The following ANKS1B variants were observed in gnomAD, a reference collection of about 807,000 sequenced individuals.
The protein encoded by ANKS1B is ankyrin repeat and sterile alpha motif domain-containing protein 1B.
ANKS1B carries 36 observed loss-of-function variants against 148.3 expected under a neutral mutation model. That is an observed-to-expected ratio of 0.24 (90% CI 0.19 to 0.32). The LOEUF is 0.32. ANKS1B is among the 10% of genes least tolerant of loss of function. The pLI is 1.00. For missense variants in ANKS1B, 1,157 were observed against 1,542.6 expected (o/e 0.75, Z 4.19); for synonymous variants, 542 against 560.8 (o/e 0.97, Z 0.47).
chr12:98,936,845 C>T (rs1367631999), intron 17 of ANKS1B, among the ~76,000 whole-genome samples: 1 of 152,120 alleles, frequency 6.6e-6, no homozygotes, highest in Non-Finnish European at 1.5e-5. Context: ...TTTATCTTGT[C>T]TAAGTACTTC....
chr12:99,783,974 ACT>A (rs2064680813), intron 4 of ANKS1B, among the ~76,000 whole-genome samples: 1 of 152,062 alleles, frequency 6.6e-6, no homozygotes, highest in Non-Finnish European at 1.5e-5. Flanking sequence ...TCAAAATATC[ACT>A]CTGTACCCCT....
At chr12:99,188,102 C>T (rs1191909354) in intron 14 of ANKS1B, among the ~76,000 whole-genome samples, 1 of 151,980 alleles carries the variant, frequency 6.6e-6, no homozygotes, top group Non-Finnish European at 1.5e-5. Flanking sequence ...CAAAGACGGG[C>T]ATTACATAAT....
At chr12:99,683,055 G>A (rs184749961) in intron 8 of ANKS1B, among the ~76,000 whole-genome samples, 79 of 152,216 alleles carry the variant, frequency 5.2e-4, no homozygotes, top group African/African-American at 1.7e-3. Flanking sequence ...AGTGAAAGGG[G>A]TTTCCCCTTA....
chr12:99,560,609 T>C (rs1304098622), intron 9 of ANKS1B, among the ~76,000 whole-genome samples: 1 of 152,182 alleles, frequency 6.6e-6, no homozygotes, highest in Non-Finnish European at 1.5e-5. Flanking sequence ...ACATTATACT[T>C]ACACTATACT....
chr12:99,173,063 A>C (rs888654564), intron 14 of ANKS1B, among the ~76,000 whole-genome samples: 2 of 152,192 alleles, frequency 1.3e-5, no homozygotes, highest in Admixed American at 6.5e-5. Context: ...GAAAGAACTC[A>C]TCAGGAAACT....
intron 4 of ANKS1B, among the ~76,000 whole-genome samples, chr12:99,800,431 A>C (rs1425391790): frequency 1.4e-5 from 2 of 145,868 alleles, no homozygotes; most frequent in Admixed American, 6.9e-5. Flanking sequence ...TAAGCAGACA[A>C]TACAGAAGCC....
At position 99,417,687 on chromosome 12, in the gene ANKS1B, C is replaced by A. The variant is rs78951899; in HGVS notation, c.1576-17876G>T. Among the ~76,000 whole-genome samples the A allele has an allele frequency of 1.7e-3, 258 of 152,192 alleles. 1 individual carries two copies. Among genetic ancestry groups the A allele is most frequent in the African/African-American group, 5.9e-3 (247 of 41,536 alleles). On this transcript the variant is annotated intron_variant, in intron 11 of 26. Transcript: ENST00000683438. ...TCTTCTAATCCATAAACAGGTATGT[C>A]TTTCCACTTCTTTGAACATTTTTTT...
intron 17 of ANKS1B, among the ~76,000 whole-genome samples, chr12:98,846,603 T>C (rs989524153): frequency 5.9e-5 from 9 of 152,268 alleles, no homozygotes; most frequent in Non-Finnish European, 8.8e-5. Flanking sequence ...AGGTGGAGGA[T>C]GCTTTGAGGG....
chr12:99,176,822 G>C (rs2087745), intron 14 of ANKS1B, among the ~76,000 whole-genome samples: 3 of 151,754 alleles, frequency 2.0e-5, no homozygotes, highest in Non-Finnish European at 2.9e-5. Context: ...ATCAATAAAG[G>C]CTCCCTGAGA....
chr12:99,532,140 G>A (rs1437044739), intron 9 of ANKS1B, among the ~76,000 whole-genome samples: 3 of 151,954 alleles, frequency 2.0e-5, no homozygotes, highest in Non-Finnish European at 2.9e-5. Flanking sequence ...CTCCCATTCT[G>A]TAGGTTGTCT....
chr12:99,361,255 A>G (rs530965250), intron 12 of ANKS1B, among the ~76,000 whole-genome samples: 2 of 151,950 alleles, frequency 1.3e-5, no homozygotes, highest in East Asian at 3.9e-4. Flanking sequence ...TATACCTACT[A>G]TGTAACCACA....
chr12:99,209,257 T>C lies in ANKS1B; in HGVS notation c.2419+35085A>G, dbSNP rs182560079. Reference sequence around the variant, plus strand: ...GTGGTCACTACTTTTTCTGCATTTATGTAAATAATCAGGCCAAGTTGGATG... The same window carrying C: ...GTGGTCACTACTTTTTCTGCATTTACGTAAATAATCAGGCCAAGTTGGATG... On this transcript the variant is annotated intron_variant, in intron 14 of 26. Coordinates refer to ENST00000683438, the MANE Select transcript of ANKS1B (RefSeq NM_001352186.2). Among the ~76,000 whole-genome samples the C allele has an allele frequency of 3.6e-3, 546 of 152,330 alleles. 3 individuals are homozygous for C. Among genetic ancestry groups the C allele is most frequent in the Non-Finnish European group, 6.1e-3 (413 of 68,026 alleles).
In ANKS1B at chr12:99,627,657, G is replaced by A. The variant is rs190284963; in HGVS notation, c.1272+27410C>T. On this transcript the variant is annotated intron_variant, in intron 9 of 26. Coordinates refer to ENST00000683438, the MANE Select transcript of ANKS1B (RefSeq NM_001352186.2). ...CAACAAACATAGCCTGAGGGCCTGCGGCATGCAATGCACACAGCAGAGTGT... is the reference window on the plus strand; with the variant it reads ...CAACAAACATAGCCTGAGGGCCTGCAGCATGCAATGCACACAGCAGAGTGT... Among the ~76,000 whole-genome samples the A allele has an allele frequency of 5.3e-5, 8 of 152,150 alleles. 1 individual carries two copies. Among genetic ancestry groups the A allele is most frequent in the South Asian group, 2.1e-4 (1 of 4,820 alleles).
At chr12:99,883,807 T>C (rs902572081) in intron 1 of ANKS1B, among the ~76,000 whole-genome samples, 1 of 152,104 alleles carries the variant, frequency 6.6e-6, no homozygotes, top group East Asian at 1.9e-4. Context: ...TCCCAGCTAC[T>C]TGGGAGGCTG....
At chr12:99,367,036 C>T (rs1306745714) in intron 12 of ANKS1B, among the ~76,000 whole-genome samples, 3 of 152,038 alleles carry the variant, frequency 2.0e-5, no homozygotes, top group Non-Finnish European at 2.9e-5. Context: ...GCAGGGCATT[C>T]GGCAGTACTT....
At chr12:99,250,425 A>C (rs2074430572) in intron 12 of ANKS1B, among the ~76,000 whole-genome samples, 1 of 152,246 alleles carries the variant, frequency 6.6e-6, no homozygotes, top group South Asian at 2.1e-4. Flanking sequence ...CCAAAGCATA[A>C]AAATAAAAAT....
intron 15 of ANKS1B, among the ~76,000 whole-genome samples, chr12:99,089,978 T>C (rs1396260382): frequency 6.6e-6 from 1 of 152,192 alleles, no homozygotes; most frequent in Non-Finnish European, 1.5e-5. Flanking sequence ...TCAAGAAATG[T>C]CTAATGCAGG....
chr12:99,142,076 G>A (rs1196717186), intron 15 of ANKS1B, among the ~76,000 whole-genome samples: 1 of 152,088 alleles, frequency 6.6e-6, no homozygotes, highest in African/African-American at 2.4e-5. Flanking sequence ...AACCTAAGGT[G>A]AAAGTGCAGA....
intron 9 of ANKS1B, among the ~76,000 whole-genome samples, chr12:99,528,211 C>T (rs1047910548): frequency 6.6e-6 from 1 of 151,736 alleles, no homozygotes; most frequent in African/African-American, 2.4e-5. Flanking sequence ...ACACCATATA[C>T]AAAAAATCAA....
Sources: allele counts gnomAD v4.1 joint callset (sites outside exome capture counted in the v4.1 genomes callset), GRCh38; gene constraint gnomAD v4.1.1; transcripts MANE v1.5; gene names NCBI Gene and HGNC (gene_info 2026-07-23, HGNC 2026-07-21).